MAN2A1: variants seen among roughly 807,000 people sequenced by gnomAD.
MAN2A1 encodes the protein mannosidase alpha class 2A member 1.
MAN2A1 carries 76 observed loss-of-function variants against 142.6 expected under a neutral mutation model. That is an observed-to-expected ratio of 0.53 (90% CI 0.44 to 0.65). MAN2A1 has a LOEUF of 0.65. Ranked by LOEUF, MAN2A1 falls within the 30% of genes least tolerant of loss-of-function variation. MAN2A1 has a pLI of 0.00. For synonymous variants in MAN2A1, 559 were observed against 473.2 expected, an observed-to-expected ratio of 1.18 and a Z score of -2.35; for missense variants, 1,311 against 1,365.1, an observed-to-expected ratio of 0.96 and a Z score of 0.62.
chr5:109,852,681 A>G (rs1449105872), intron 19 of MAN2A1, among the ~76,000 whole-genome samples: 1 of 152,218 alleles, frequency 6.6e-6, no homozygotes, highest in Non-Finnish European at 1.5e-5. Flanking sequence ...CCAACCAACA[A>G]GAAATTAAAT....
Position 109,784,848 on chromosome 5 carries a change from G to A in MAN2A1, c.1682G>A (p.Arg561Lys). ...SLYTALTEAR[R>K]NLGLFQHHDA... ...TACACGGCACTGACAGAAGCCAGAAGGAATTTGGGACTGTTTCAACATCAT... is the reference window on the plus strand; with the variant it reads ...TACACGGCACTGACAGAAGCCAGAAAGAATTTGGGACTGTTTCAACATCAT... Residue 561 changes from arginine to lysine, a missense_variant, in exon 10 of 22, where the codon AGG becomes AAG. This residue lies in a region of MAN2A1 where 890 missense variants were observed against 920.5 expected (regional missense o/e 0.97). Coordinates refer to ENST00000261483, the MANE Select transcript of MAN2A1 (RefSeq NM_002372.4). 1 of 1,612,970 alleles carries A rather than the reference G, an allele frequency of 6.2e-7. No individual in the cohort carries two copies. Among genetic ancestry groups the A allele is most frequent in the Non-Finnish European group, 8.5e-7 (1 of 1,179,422 alleles).
At chr5:109,860,479 C>T (rs953275496) in intron 20 of MAN2A1, among the ~76,000 whole-genome samples, 1 of 152,122 alleles carries the variant, frequency 6.6e-6, no homozygotes, top group Non-Finnish European at 1.5e-5. Context: ...GATGTGTAGC[C>T]GTGCCTTAAT....
chr5:109,837,031 G>T (rs1275710062), intron 16 of MAN2A1, among the ~76,000 whole-genome samples: 3 of 150,012 alleles, frequency 2.0e-5, no homozygotes, highest in African/African-American at 7.4e-5. Context: ...TCCATAACAT[G>T]GGTGTATGTG....
chr5:109,813,130 T>C (rs949569005), intron 12 of MAN2A1, among the ~76,000 whole-genome samples: 2 of 152,234 alleles, frequency 1.3e-5, no homozygotes, highest in African/African-American at 2.4e-5. Flanking sequence ...TTAGTATATA[T>C]TGCAAGTTTT....
chr5:109,827,320 A>G (rs1262088188), intron 16 of MAN2A1, among the ~76,000 whole-genome samples: 3 of 152,224 alleles, frequency 2.0e-5, no homozygotes, highest in African/African-American at 7.2e-5. Context: ...TATTTTTGTT[A>G]AACCTTACAA....
chr5:109,772,771 A>G (rs1329596892), intron 7 of MAN2A1, among the ~76,000 whole-genome samples: 3 of 152,042 alleles, frequency 2.0e-5, no homozygotes, highest in Non-Finnish European at 4.4e-5. Flanking sequence ...CGCCCTCCCA[A>G]AGTGCTGGGA....
chr5:109,694,550 A>G (rs942647829), intron 1 of MAN2A1, among the ~76,000 whole-genome samples: 4 of 151,936 alleles, frequency 2.6e-5, no homozygotes, highest in Non-Finnish European at 4.4e-5. Context: ...GGGTCTTACT[A>G]TGTTGACCAA....
chr5:109,816,567 G>A (rs1311262135), intron 12 of MAN2A1, among the ~76,000 whole-genome samples: 2 of 151,944 alleles, frequency 1.3e-5, no homozygotes, highest in African/African-American at 4.8e-5. Flanking sequence ...ATATATGTGT[G>A]AATTATGTGA....
chr5:109,804,068 C>A, intron 12 of MAN2A1: 1 of 535,162 alleles, frequency 1.9e-6, no homozygotes, highest in Non-Finnish European at 2.4e-6. Context: ...TAACCCAAAG[C>A]AGTTCAGAAC....
At chr5:109,768,457 G>A (rs917921369) in intron 6 of MAN2A1, among the ~76,000 whole-genome samples, 14 of 152,220 alleles carry the variant, frequency 9.2e-5, no homozygotes, top group Admixed American at 3.9e-4. Flanking sequence ...TTTGCCAAAA[G>A]TCATATAGGT....
chr5:109,745,996 G>T (rs1752394239), intron 4 of MAN2A1, among the ~76,000 whole-genome samples: 1 of 152,112 alleles, frequency 6.6e-6, no homozygotes, highest in Admixed American at 6.6e-5. Flanking sequence ...TTTGTTTTGA[G>T]ACAGATCTTT....
intron 16 of MAN2A1, chr5:109,840,531 T>C: frequency 2.0e-6 from 1 of 507,748 alleles, no homozygotes; most frequent in Non-Finnish European, 3.9e-6. Context: ...TTCTTTTCCT[T>C]GGACATGGCA....
chr5:109,751,618 T>C (rs556919828), intron 4 of MAN2A1, among the ~76,000 whole-genome samples: 1 of 152,216 alleles, frequency 6.6e-6, no homozygotes, highest in South Asian at 2.1e-4. Context: ...GTAAATGTTT[T>C]TTAAAAATCT....
intron 16 of MAN2A1, 115 bp from the exon 17 acceptor site, chr5:109,842,213 C>T: frequency 5.0e-6 from 3 of 605,692 alleles, no homozygotes; most frequent in Non-Finnish European, 8.1e-6. Context: ...GATGTTAAGA[C>T]AAGAAGTAGA....
At chr5:109,853,675 G>A (rs990410921) in intron 19 of MAN2A1, 7 of 152,206 alleles carry the variant, frequency 4.6e-5, no homozygotes, top group South Asian at 2.1e-4. Flanking sequence ...TTTATTACTC[G>A]TGAGTGACTT....
At chr5:109,858,668 C>T (rs543834288) in intron 20 of MAN2A1, among the ~76,000 whole-genome samples, 1 of 152,344 alleles carries the variant, frequency 6.6e-6, no homozygotes, top group South Asian at 2.1e-4. Context: ...TATTCCTAAC[C>T]ACCACAGTAT....
rs765752837 is a variant in MAN2A1, at chr5:109,866,926, C to G, written c.3363C>G (p.Pro1121=). The G allele has an allele frequency of 1.9e-6, 3 of 1,612,660 alleles. No individual in the cohort carries two copies. The highest frequency in any genetic ancestry group is 3.3e-5 in the Admixed American group (2 of 59,954). Residue 1121 remains proline (P), a synonymous_variant, in exon 22 of 22, where the codon CCC becomes CCG. Transcript: ENST00000261483. ...CACTATCCTTGATGCATTCACCTCC[C>G]GGCACTCAGAATATAAGTGAGATCA... is the stretch of plus-strand genomic sequence containing the variant. The part of the protein sequence containing the change: ...PSSLSLMHSP[P]GTQNISEINL...
intron 7 of MAN2A1, among the ~76,000 whole-genome samples, chr5:109,771,891 T>TGG (rs550495903): frequency 6.6e-6 from 1 of 152,072 alleles, no homozygotes; most frequent in Non-Finnish European, 1.5e-5. Flanking sequence ...GTTCTTTTTT[T>TGG]GGGGGGTGCT....
At chr5:109,848,041 G>A (rs1027630411) in intron 19 of MAN2A1, among the ~76,000 whole-genome samples, 2 of 151,642 alleles carry the variant, frequency 1.3e-5, no homozygotes, top group African/African-American at 4.8e-5. Context: ...AATCACTTTG[G>A]GTAAATATTC....
Sources: allele counts gnomAD v4.1 joint callset (sites outside exome capture counted in the v4.1 genomes callset), GRCh38; gene constraint gnomAD v4.1.1; regional missense constraint gnomAD v4.1.1; transcripts MANE v1.5; gene names NCBI Gene and HGNC (gene_info 2026-07-23, HGNC 2026-07-21).